The following EPHA6 variants were observed in gnomAD, a reference collection of about 807,000 sequenced individuals.
EPHA6 encodes ephrin type-A receptor 6.
EPHA6 carries 50 observed loss-of-function variants against 112.0 expected under a neutral mutation model. The observed-to-expected ratio is 0.45, with a 90% CI of 0.36 to 0.56. The LOEUF (loss-of-function observed/expected upper bound fraction) is 0.56, where lower values mean the gene tolerates loss of function less well. EPHA6 is among the 20% of genes least tolerant of loss of function. EPHA6 has a pLI of 0.00. For missense variants in EPHA6, 1,280 were observed against 1,417.4 expected (o/e 0.90, Z 1.56); for synonymous variants, 529 against 490.7 (o/e 1.08, Z -1.03).
In EPHA6 at chr3:96,868,233, A is replaced by G. The variant is rs200478719; in HGVS notation, c.450+1344A>G. 2.6e-5 allele frequency among the ~76,000 whole-genome samples: 4 copies of G among 151,148 alleles called. No individual in the cohort carries two copies. In the East Asian group the frequency reaches 7.8e-4, roughly 29 times the overall value. ...GTGTGTGTCTAATCTTATGAACAGTAGAATGGATAGGTGGTATAAATAAGA... is the reference window on the plus strand; with the variant it reads ...GTGTGTGTCTAATCTTATGAACAGTGGAATGGATAGGTGGTATAAATAAGA... On this transcript the variant is annotated intron_variant, in intron 2 of 17. Transcript: ENST00000389672.
intron 5 of EPHA6, among the ~76,000 whole-genome samples, chr3:97,339,256 T>C (rs2083198275): frequency 6.6e-6 from 1 of 152,198 alleles, no homozygotes; most frequent in Non-Finnish European, 1.5e-5. Context: ...GCAGGACATA[T>C]GTAAACAAAT....
At chr3:97,168,575 G>C (rs866691536) in intron 3 of EPHA6, among the ~76,000 whole-genome samples, 174 of 144,900 alleles carry the variant, frequency 1.2e-3, no homozygotes, top group African/African-American at 4.1e-3. Context: ...CTTTCTCTCT[G>C]TCTCTCTCTC....
At chr3:97,398,648 A>G (rs1176592705) in intron 5 of EPHA6, among the ~76,000 whole-genome samples, 1 of 151,484 alleles carries the variant, frequency 6.6e-6, no homozygotes, top group Non-Finnish European at 1.5e-5. Flanking sequence ...ACATATCTCA[A>G]AAACTTATGT....
chr3:96,933,958 A>C (rs1276601401), intron 2 of EPHA6, among the ~76,000 whole-genome samples: 1 of 152,032 alleles, frequency 6.6e-6, no homozygotes, highest in African/African-American at 2.4e-5. Context: ...TTTTATAACA[A>C]TTGATGAAAA....
chr3:97,110,982 C>A (rs1393090609), intron 3 of EPHA6, among the ~76,000 whole-genome samples: 1 of 152,016 alleles, frequency 6.6e-6, no homozygotes, highest in Admixed American at 6.6e-5. Context: ...TAGTTTATAT[C>A]CTAGTGAAAG....
intron 10 of EPHA6, among the ~76,000 whole-genome samples, chr3:97,524,355 A>C (rs1405459797): frequency 6.6e-6 from 1 of 152,076 alleles, no homozygotes; most frequent in Non-Finnish European, 1.5e-5. Flanking sequence ...TTGCATACAA[A>C]GACTCTATGC....
chr3:97,024,625 T>A (rs2044571765), intron 3 of EPHA6, among the ~76,000 whole-genome samples: 1 of 152,158 alleles, frequency 6.6e-6, no homozygotes, highest in Non-Finnish European at 1.5e-5. Context: ...ATTTTCAAAA[T>A]CAAGAAATCA....
chr3:96,921,500 A>G (rs1171092023), intron 2 of EPHA6, among the ~76,000 whole-genome samples: 1 of 152,090 alleles, frequency 6.6e-6, no homozygotes, highest in Non-Finnish European at 1.5e-5. Flanking sequence ...GCCTTCATAA[A>G]ACTCTATTCA....
chr3:96,969,080 A>G (rs563832832), intron 2 of EPHA6, among the ~76,000 whole-genome samples: 1 of 151,910 alleles, frequency 6.6e-6, no homozygotes. Flanking sequence ...TCAGCAGTTT[A>G]AAACAACTCT....
At chr3:96,815,310 G>A (rs2107186341) in intron 1 of EPHA6, among the ~76,000 whole-genome samples, 1 of 152,246 alleles carries the variant, frequency 6.6e-6, no homozygotes. Flanking sequence ...TGTCTCCACT[G>A]GAAGTCAGGC....
chr3:97,233,932 A>G (rs2078608095), intron 4 of EPHA6, among the ~76,000 whole-genome samples: 1 of 152,166 alleles, frequency 6.6e-6, no homozygotes, highest in Non-Finnish European at 1.5e-5. Context: ...CATATAAATG[A>G]TAAGATTTTA....
intron 2 of EPHA6, among the ~76,000 whole-genome samples, chr3:96,976,832 C>T (rs2042544712): frequency 6.6e-6 from 1 of 152,150 alleles, no homozygotes; most frequent in East Asian, 1.9e-4. Flanking sequence ...CTCAAATGGC[C>T]TTAAGTCTAC....
chr3:96,830,895 A>T (rs1576081840), intron 1 of EPHA6, among the ~76,000 whole-genome samples: 1 of 152,136 alleles, frequency 6.6e-6, no homozygotes, highest in East Asian at 1.9e-4. Flanking sequence ...GTAGATGTTA[A>T]GTGTTCTCAC....
At chr3:97,149,615 G>C (rs577955345) in intron 3 of EPHA6, among the ~76,000 whole-genome samples, 322 of 151,970 alleles carry the variant, frequency 2.1e-3, no homozygotes, top group African/African-American at 7.4e-3. Flanking sequence ...CTATGCAATA[G>C]TAATATTTCT....
intron 3 of EPHA6, among the ~76,000 whole-genome samples, chr3:97,100,336 C>A (rs921270069): frequency 2.6e-5 from 4 of 151,122 alleles, no homozygotes; most frequent in African/African-American, 9.7e-5. Flanking sequence ...GTTTTTAATG[C>A]AATACTATAT....
chr3:97,057,134 G>T (rs1236810432), intron 3 of EPHA6, among the ~76,000 whole-genome samples: 1 of 152,176 alleles, frequency 6.6e-6, no homozygotes, highest in East Asian at 1.9e-4. Flanking sequence ...GAAAAGAATA[G>T]TGACATGTGT....
intron 5 of EPHA6, among the ~76,000 whole-genome samples, chr3:97,272,382 C>CT (rs1249834250): frequency 6.6e-6 from 1 of 151,926 alleles, no homozygotes; most frequent in Non-Finnish European, 1.5e-5. Context: ...GGGATACACT[C>CT]TAAGAAATGC....
chr3:97,592,753 G>A lies in EPHA6; in HGVS notation c.2512+16G>A. ...ATTCCTGCTGGTAGGTATTTCAGGT[G>A]AAGTTTTCTGCCACCATATACAGCA... On this transcript the variant is annotated intron_variant, in intron 12 of 17. Transcript: ENST00000389672. 6.4e-7 allele frequency: 1 copy of A among 1,569,510 alleles called. No individual in the cohort carries two copies. The highest frequency in any genetic ancestry group is 8.6e-7 in the Non-Finnish European group (1 of 1,163,364).
chr3:97,089,461 C>T (rs547721260), intron 3 of EPHA6, among the ~76,000 whole-genome samples: 6 of 152,064 alleles, frequency 3.9e-5, no homozygotes, highest in Admixed American at 6.6e-5. Context: ...TTTCTGTAAT[C>T]TTTCTGATGG....
Sources: gnomAD v4.1 joint callset for allele counts (sites outside exome capture counted in the v4.1 genomes callset) on GRCh38, gnomAD v4.1.1 for gene constraint, MANE v1.5 for transcripts, NCBI Gene and HGNC (gene_info 2026-07-23, HGNC 2026-07-21) for gene names.